Variants in CNST observed in about 807,000 individuals in gnomAD.
CNST encodes consortin, connexin sorting protein.
CNST carries 39 observed loss-of-function variants against 72.4 expected under a neutral mutation model. The observed-to-expected ratio is 0.54, with a 90% CI of 0.42 to 0.70. The LOEUF (loss-of-function observed/expected upper bound fraction) is 0.70, where lower values mean the gene tolerates loss of function less well. Ranked by LOEUF, CNST falls within the 30% of genes least tolerant of loss-of-function variation. The pLI, the probability that CNST is intolerant of heterozygous loss-of-function variation, is 0.00. For synonymous variants in CNST, 332 were observed against 320.1 expected (o/e 1.04, Z -0.40); for missense variants, 871 against 868.5 (o/e 1.00, Z -0.04).
intron 1 of CNST, among the ~76,000 whole-genome samples, chr1:246,585,666 T>TACACACACAC (rs56730668): frequency 3.0e-5 from 3 of 101,592 alleles, no homozygotes; most frequent in Admixed American, 2.7e-4. Context: ...AAAAAAAATA[T>TACACACACAC]ACACACACAC....
intron 9 of CNST, among the ~76,000 whole-genome samples, chr1:246,656,664 G>A (rs971650441): frequency 3.3e-5 from 5 of 152,120 alleles, no homozygotes; most frequent in African/African-American, 1.2e-4. Context: ...ATAGTCTGGG[G>A]CCGGGCACAG....
intron 8 of CNST, among the ~76,000 whole-genome samples, chr1:246,646,569 C>G (rs1254783023): frequency 6.6e-6 from 1 of 152,120 alleles, no homozygotes; most frequent in Non-Finnish European, 1.5e-5. Flanking sequence ...CAGCCTCCGC[C>G]TCCCGGGTTC....
intron 1 of CNST, among the ~76,000 whole-genome samples, chr1:246,575,623 G>GA (rs1558525642): frequency 6.6e-6 from 1 of 152,054 alleles, no homozygotes; most frequent in Non-Finnish European, 1.5e-5. Context: ...GGGCAGGGGG[G>GA]ATCTTTTCGG....
intron 10 of CNST, among the ~76,000 whole-genome samples, chr1:246,665,221 T>A (rs912008644): frequency 6.6e-6 from 1 of 151,598 alleles, no homozygotes; most frequent in Non-Finnish European, 1.5e-5. Flanking sequence ...AAATAAAAAA[T>A]AAATAGCCAG....
At chr1:246,635,001 T>G (rs1293045103) in intron 6 of CNST, among the ~76,000 whole-genome samples, 1 of 54,296 alleles carries the variant, frequency 1.8e-5, no homozygotes, top group Non-Finnish European at 4.0e-5. Context: ...GCCCTCTTCC[T>G]GCTTCTGCTT....
At chr1:246,628,105 C>T (rs1025426970) in intron 3 of CNST, among the ~76,000 whole-genome samples, 6 of 151,988 alleles carry the variant, frequency 3.9e-5, no homozygotes, top group African/African-American at 9.7e-5. Context: ...GGAGGCTAGG[C>T]CTGTCTCTCT....
intron 2 of CNST, among the ~76,000 whole-genome samples, chr1:246,599,343 C>T (rs1662109628): frequency 6.6e-6 from 1 of 152,208 alleles, no homozygotes; most frequent in Non-Finnish European, 1.5e-5. Context: ...ACTGGGCTAA[C>T]ATCAAGGTGT....
chr1:246,662,049 C>G lies in CNST; in HGVS notation c.1972+1715C>G, dbSNP rs372942615. Among the ~76,000 whole-genome samples, 38 of 152,330 alleles carry G rather than the reference C, an allele frequency of 2.5e-4. 2 individuals are homozygous for G. The East Asian group carries it at 5.6e-3, about 22-fold the overall frequency. On this transcript the variant is annotated intron_variant, in intron 10 of 10. Coordinates refer to ENST00000366513, the MANE Select transcript of CNST (RefSeq NM_152609.3). Reference sequence around the variant, plus strand: ...ACCTCATCTTAAACTAAGTCACTTACTTGTAGGAGACTGAGTTCCATCATC... The same window carrying G: ...ACCTCATCTTAAACTAAGTCACTTAGTTGTAGGAGACTGAGTTCCATCATC...
chr1:246,587,689 T>C (rs1661282526), intron 1 of CNST, among the ~76,000 whole-genome samples: 1 of 152,244 alleles, frequency 6.6e-6, no homozygotes. Flanking sequence ...GATGACTCTT[T>C]ATCTTCATAC....
chr1:246,590,307 G>T (rs1386563519), intron 1 of CNST, among the ~76,000 whole-genome samples: 3 of 152,098 alleles, frequency 2.0e-5, no homozygotes, highest in Admixed American at 6.6e-5. Context: ...ACGATGTCTG[G>T]AATTTACAGA....
chr1:246,580,361 T>C (rs774073528), intron 1 of CNST, among the ~76,000 whole-genome samples: 1 of 152,208 alleles, frequency 6.6e-6, no homozygotes, highest in Non-Finnish European at 1.5e-5. Flanking sequence ...TTTGAGTAAA[T>C]TCTAAAAATA....
intron 1 of CNST, among the ~76,000 whole-genome samples, chr1:246,580,925 G>A (rs1660741053): frequency 6.6e-6 from 1 of 151,918 alleles, no homozygotes; most frequent in South Asian, 2.1e-4. Context: ...ATTTTCAGTA[G>A]ACGGGATTTC....
rs543128447 is a variant in CNST, at chr1:246,636,330, C to T, written c.818+1743C>T. On this transcript the variant is annotated intron_variant, in intron 6 of 10. Transcript: ENST00000366513. ...CTGGGTTGGTAAGTGTCCAGGTCGA[C>T]GGGCGTTCCTGAGAATTCAAAGTGA... Among the ~76,000 whole-genome samples the T allele has an allele frequency of 2.1e-3, 320 of 152,188 alleles. 3 individuals carry two copies. Among genetic ancestry groups the T allele is most frequent in the Non-Finnish European group, 2.9e-3 (199 of 68,014 alleles).
At chr1:246,624,887 C>T (rs1436455417) in intron 3 of CNST, among the ~76,000 whole-genome samples, 1 of 152,196 alleles carries the variant, frequency 6.6e-6, no homozygotes, top group Non-Finnish European at 1.5e-5. Context: ...CTCCTGATCT[C>T]AGGTGATCCA....
rs141673076 is a variant in CNST, at chr1:246,647,874, A to G, written c.1673A>G (p.Asp558Gly). 3 of 1,614,178 alleles carry G rather than the reference A, an allele frequency of 1.9e-6. No homozygotes were observed. The highest frequency in any genetic ancestry group is 2.5e-6 in the Non-Finnish European group (3 of 1,180,036). ...LNSLLEGCLK[D>G]TEDSLSYEDN... ...AGCCTTTTAGAAGGATGTTTAAAAG[A>G]TACTGAAGATTCCCTTTCCTATGAA... Residue 558 changes from aspartate (D) to glycine (G), a missense_variant, in exon 9 of 11, where the codon GAT becomes GGT. By Grantham distance (94) the Asp-to-Gly change is moderately conservative. Coordinates refer to ENST00000366513, the MANE Select transcript of CNST (RefSeq NM_152609.3).
At chr1:246,614,271 T>A (rs1663535573) in intron 2 of CNST, among the ~76,000 whole-genome samples, 1 of 152,164 alleles carries the variant, frequency 6.6e-6, no homozygotes, top group Non-Finnish European at 1.5e-5. Context: ...TTTAAAATAA[T>A]TTTATACATG....
At position 246,588,159 on chromosome 1, in the gene CNST, G is replaced by A. The variant is rs145749415; in HGVS notation, c.-51-3353G>A. Among the ~76,000 whole-genome samples the A allele has an allele frequency of 3.1e-3, 469 of 152,016 alleles. 2 individuals are homozygous for A. Among genetic ancestry groups the A allele is most frequent in the African/African-American group, 0.011 (437 of 41,510 alleles). On this transcript the variant is annotated intron_variant, in intron 1 of 10. Transcript: ENST00000366513. ...TATTTTTTATTTTTATTAAAGAAAT[G>A]TTAAAACAATGTGATTTACTTTTAT...
chr1:246,577,038 C>A (rs940185700), intron 1 of CNST, among the ~76,000 whole-genome samples: 2 of 151,920 alleles, frequency 1.3e-5, no homozygotes, highest in East Asian at 3.9e-4. Flanking sequence ...GTTTTTAGAA[C>A]CATCTTGCCC....
intron 2 of CNST, among the ~76,000 whole-genome samples, chr1:246,609,710 G>A (rs916394037): frequency 5.9e-5 from 9 of 152,202 alleles, no homozygotes; most frequent in African/African-American, 9.7e-5. Flanking sequence ...CACATCAAGC[G>A]TGTGTTAAAA....
Sources: gnomAD v4.1 joint callset for allele counts (sites outside exome capture counted in the v4.1 genomes callset) on GRCh38, gnomAD v4.1.1 for gene constraint, MANE v1.5 for transcripts, NCBI Gene and HGNC (gene_info 2026-07-23, HGNC 2026-07-21) for gene names.